ERC2: variants seen among roughly 807,000 people sequenced by gnomAD.
ERC2 encodes ERC protein 2.
ERC2 carries 42 observed loss-of-function variants against 114.8 expected under a neutral mutation model. The ratio of observed to expected loss-of-function variants is 0.37; its 90% CI spans 0.29 to 0.47. The LOEUF (loss-of-function observed/expected upper bound fraction) is 0.47. ERC2 is among the 20% of genes least tolerant of loss of function. The pLI is 0.99. For missense variants in ERC2, 939 were observed against 1,150.7 expected (o/e 0.82, Z 2.66); for synonymous variants, 454 against 425.5 (o/e 1.07, Z -0.82).
At chr3:55,620,905 A>T (rs1425885702) in intron 17 of ERC2, among the ~76,000 whole-genome samples, 1 of 152,232 alleles carries the variant, frequency 6.6e-6, no homozygotes, top group Non-Finnish European at 1.5e-5. Flanking sequence ...TTTATAACAT[A>T]ACTGTTGTCA....
intron 3 of ERC2, among the ~76,000 whole-genome samples, chr3:56,276,469 AAAAAAAAACAAACTCAGTCAT>A (rs2054001907): frequency 6.6e-6 from 1 of 151,250 alleles, no homozygotes; most frequent in African/African-American, 2.4e-5. Flanking sequence ...TAAAAAAAAA[AAAAAAAAACAAACTCAGTCAT>A]TCATCTGGCT....
In ERC2 at chr3:55,614,640, A is replaced by G. The variant is rs533376944; in HGVS notation, c.*39+69154T>C. Among the ~76,000 whole-genome samples the G allele has an allele frequency of 3.9e-5, 6 of 152,334 alleles. No individual in the cohort carries two copies. The East Asian group carries it at 1.2e-3, about 29-fold the overall frequency. Reference sequence around the variant, plus strand: ...ATCATTATATACTACTATGCCAATGATACTAGTAGACCACGTGGATAAAAG... The same window carrying G: ...ATCATTATATACTACTATGCCAATGGTACTAGTAGACCACGTGGATAAAAG... On this transcript the variant is annotated intron_variant, in intron 17 of 17. Coordinates refer to ENST00000288221, the MANE Select transcript of ERC2 (RefSeq NM_015576.3).
chr3:55,824,071 TTTC>T (rs996551895), intron 14 of ERC2, among the ~76,000 whole-genome samples: 1 of 152,160 alleles, frequency 6.6e-6, no homozygotes. Context: ...CATGTCCCAT[TTTC>T]TTCTTCTTCT....
intron 14 of ERC2, among the ~76,000 whole-genome samples, chr3:55,779,892 C>CT (rs11342517): frequency 6.2e-4 from 93 of 149,824 alleles, no homozygotes; most frequent in South Asian, 4.7e-3. Context: ...AAGTCTTAGT[C>CT]TTTTTTTTTT....
intron 7 of ERC2, among the ~76,000 whole-genome samples, chr3:56,026,653 G>A (rs943573213): frequency 1.3e-5 from 2 of 152,064 alleles, no homozygotes; most frequent in Non-Finnish European, 2.9e-5. Flanking sequence ...TTTACATACA[G>A]TTATAAGAAA....
intron 14 of ERC2, among the ~76,000 whole-genome samples, chr3:55,822,370 A>G (rs1347487888): frequency 6.6e-6 from 1 of 152,164 alleles, no homozygotes; most frequent in Non-Finnish European, 1.5e-5. Context: ...CTACAATATA[A>G]TCTTCAAGTT....
intron 4 of ERC2, among the ~76,000 whole-genome samples, chr3:56,166,301 G>A (rs1575653756): frequency 6.6e-6 from 1 of 151,958 alleles, no homozygotes; most frequent in East Asian, 1.9e-4. Context: ...TACCATCAGT[G>A]TTTACTCAGG....
chr3:55,767,151 C>A (rs1239795821), intron 14 of ERC2, among the ~76,000 whole-genome samples: 1 of 152,146 alleles, frequency 6.6e-6, no homozygotes, highest in African/African-American at 2.4e-5. Context: ...GTGCTGATAC[C>A]AGTTGGAGAG....
chr3:56,242,280 C>T (rs1437985505), intron 3 of ERC2, among the ~76,000 whole-genome samples: 1 of 151,904 alleles, frequency 6.6e-6, no homozygotes, highest in Non-Finnish European at 1.5e-5. Flanking sequence ...GACATACAAG[C>T]ATAAGAATGA....
chr3:56,301,516 T>G (rs2055873722), intron 2 of ERC2, among the ~76,000 whole-genome samples: 1 of 152,062 alleles, frequency 6.6e-6, no homozygotes, highest in Non-Finnish European at 1.5e-5. Flanking sequence ...TCTCTCCCCC[T>G]CCTACTCTCT....
At chr3:56,046,314 A>G (rs1401406) in intron 7 of ERC2, among the ~76,000 whole-genome samples, 48,861 of 152,122 alleles carry the variant, frequency 0.32, 9,043 homozygotes, top group East Asian at 0.55. Context: ...GCCATTTAGG[A>G]GATACCCACA....
At chr3:55,769,451 G>C (rs988793737) in intron 14 of ERC2, among the ~76,000 whole-genome samples, 1 of 151,886 alleles carries the variant, frequency 6.6e-6, no homozygotes, top group Non-Finnish European at 1.5e-5. Flanking sequence ...CAGGGTCTCT[G>C]TCTGGGTTGG....
chr3:55,553,519 C>T (rs973538481), intron 17 of ERC2, among the ~76,000 whole-genome samples: 4 of 151,872 alleles, frequency 2.6e-5, no homozygotes, highest in African/African-American at 9.7e-5. Context: ...GGTGGCTCAC[C>T]CCTGTAATCC....
intron 1 of ERC2, among the ~76,000 whole-genome samples, chr3:56,443,670 T>C (rs1242322269): frequency 6.6e-6 from 1 of 151,972 alleles, no homozygotes; most frequent in Non-Finnish European, 1.5e-5. Flanking sequence ...TTTTTTTTTT[T>C]GGTTGTTGTC....
intron 17 of ERC2, among the ~76,000 whole-genome samples, chr3:55,557,257 C>G (rs547822477): frequency 1.3e-5 from 2 of 152,176 alleles, no homozygotes; most frequent in Admixed American, 1.3e-4. Context: ...GTGGAGGGGA[C>G]AGTGTGAGCA....
At chr3:56,012,782 C>T (rs376371495) in intron 8 of ERC2, among the ~76,000 whole-genome samples, 15 of 152,258 alleles carry the variant, frequency 9.9e-5, no homozygotes, top group African/African-American at 3.1e-4. Context: ...AACTGTCAGC[C>T]GCGCAGGGCC....
At chr3:55,641,029 C>T (rs991087784) in intron 17 of ERC2, among the ~76,000 whole-genome samples, 1 of 152,148 alleles carries the variant, frequency 6.6e-6, no homozygotes, top group Admixed American at 6.5e-5. Context: ...GAGAAAGAGG[C>T]TTCCATACAT....
chr3:56,341,650 C>T (rs2058093544), intron 2 of ERC2, among the ~76,000 whole-genome samples: 1 of 152,080 alleles, frequency 6.6e-6, no homozygotes, highest in Non-Finnish European at 1.5e-5. Flanking sequence ...CCCCCAAGCT[C>T]TCTATCACCA....
intron 17 of ERC2, among the ~76,000 whole-genome samples, chr3:55,642,235 C>A (rs1432644916): frequency 6.6e-6 from 1 of 152,198 alleles, no homozygotes; most frequent in Non-Finnish European, 1.5e-5. Flanking sequence ...GTTCTCTCTC[C>A]CCAGGGAAAT....
Sources: gnomAD v4.1 joint callset for allele counts (sites outside exome capture counted in the v4.1 genomes callset) on GRCh38, gnomAD v4.1.1 for gene constraint, MANE v1.5 for transcripts, NCBI Gene and HGNC (gene_info 2026-07-23, HGNC 2026-07-21) for gene names.